N4BP2L2: variants seen among roughly 807,000 people sequenced by gnomAD.
N4BP2L2 encodes NEDD4 binding protein 2 like 2.
A neutral mutation model predicts 56.2 loss-of-function variants in N4BP2L2; 50 were observed. That is an observed-to-expected ratio of 0.89 (90% CI 0.71 to 1.13). N4BP2L2 has a LOEUF of 1.13. N4BP2L2 is among the 50% of genes most tolerant of loss of function. N4BP2L2 has a pLI of 0.00. For missense variants in N4BP2L2, 689 were observed against 693.8 expected (o/e 0.99, Z 0.08); for synonymous variants, 203 against 223.6 (o/e 0.91, Z 0.82).
intron 2 of N4BP2L2, among the ~76,000 whole-genome samples, chr13:32,533,515 A>ATTTTTTTTT (rs766383227): frequency 1.6e-5 from 2 of 122,288 alleles, no homozygotes; most frequent in African/African-American, 3.3e-5. Context: ...AGCATTACTA[A>ATTTTTTTTT]TTTTTTTTTT....
At chr13:32,503,426 C>G (rs959894398) in intron 6 of N4BP2L2, among the ~76,000 whole-genome samples, 1 of 152,040 alleles carries the variant, frequency 6.6e-6, no homozygotes, top group African/African-American at 2.4e-5. Flanking sequence ...GTTAATCCCA[C>G]AAAGCAAGAC....
chr13:32,466,041 T>C (rs985234197), intron 6 of N4BP2L2, among the ~76,000 whole-genome samples: 1 of 152,304 alleles, frequency 6.6e-6, no homozygotes, highest in Non-Finnish European at 1.5e-5. Context: ...TATGGCCCTC[T>C]AATTGGTCAC....
At chr13:32,497,295 G>A (rs906731596) in intron 6 of N4BP2L2, among the ~76,000 whole-genome samples, 1 of 152,154 alleles carries the variant, frequency 6.6e-6, no homozygotes, top group Admixed American at 6.5e-5. Flanking sequence ...AAGGACCAGG[G>A]TACTCTCATG....
At chr13:32,473,334 G>A (rs1275209648) in intron 6 of N4BP2L2, among the ~76,000 whole-genome samples, 1 of 151,616 alleles carries the variant, frequency 6.6e-6, no homozygotes, top group African/African-American at 2.4e-5. Flanking sequence ...TATTTTGATA[G>A]GTTAAATCAA....
chr13:32,496,097 C>T (rs2088545525), intron 6 of N4BP2L2, among the ~76,000 whole-genome samples: 1 of 152,154 alleles, frequency 6.6e-6, no homozygotes, highest in Non-Finnish European at 1.5e-5. Context: ...ATGAGGCAGC[C>T]AGGAAGGGCA....
At chr13:32,474,373 A>G (rs776344130) in intron 6 of N4BP2L2, among the ~76,000 whole-genome samples, 6 of 152,082 alleles carry the variant, frequency 3.9e-5, no homozygotes, top group Non-Finnish European at 8.8e-5. Flanking sequence ...GTCACGGTCA[A>G]TTATACAAAT....
At chr13:32,535,418 C>A (rs756944404) in intron 2 of N4BP2L2, among the ~76,000 whole-genome samples, 3 of 152,182 alleles carry the variant, frequency 2.0e-5, no homozygotes, top group African/African-American at 2.4e-5. Flanking sequence ...TAAATATAAA[C>A]ATATGCCAAT....
chr13:32,452,682 C>CA (rs1383744020), intron 6 of N4BP2L2, among the ~76,000 whole-genome samples: 2 of 152,132 alleles, frequency 1.3e-5, no homozygotes, highest in Non-Finnish European at 1.5e-5. Flanking sequence ...TTAAAACACT[C>CA]AAATCCATTA....
intron 5 of N4BP2L2, 38 bp from the exon 6 acceptor site, chr13:32,518,041 G>A: frequency 6.3e-7 from 1 of 1,593,838 alleles, no homozygotes; most frequent in Non-Finnish European, 8.6e-7. Flanking sequence ...CTTTGTTGCA[G>A]AATGTACAGG....
At chr13:32,519,517 G>A (rs920213567) in intron 5 of N4BP2L2, among the ~76,000 whole-genome samples, 5 of 152,100 alleles carry the variant, frequency 3.3e-5, no homozygotes, top group African/African-American at 7.2e-5. Flanking sequence ...ATAGCCAGGC[G>A]TAGTGGCAGG....
intron 6 of N4BP2L2, among the ~76,000 whole-genome samples, chr13:32,493,657 G>C (rs2087748102): frequency 6.6e-6 from 1 of 152,036 alleles, no homozygotes; most frequent in Non-Finnish European, 1.5e-5. Context: ...AAAATCAAGA[G>C]ACTAAAACAG....
chr13:32,461,351 T>C (rs867445154), intron 6 of N4BP2L2, among the ~76,000 whole-genome samples: 5 of 152,172 alleles, frequency 3.3e-5, no homozygotes, highest in Middle Eastern at 3.4e-3. Flanking sequence ...AAGAAAATAT[T>C]TGCAAACTAA....
At chr13:32,508,152 G>A (rs537539064), downstream of N4BP2L2, 2 of 152,272 alleles carry the variant, frequency 1.3e-5, no homozygotes, top group African/African-American at 4.8e-5. Flanking sequence ...AAATACAGAG[G>A]AATATTCTGG....
chr13:32,437,859 T>G (rs2075703787), intron 8 of N4BP2L2, among the ~76,000 whole-genome samples: 1 of 152,228 alleles, frequency 6.6e-6, no homozygotes, highest in South Asian at 2.1e-4. Flanking sequence ...TGTAACCTTC[T>G]CTTTGGACTA....
chr13:32,455,719 C>T (rs1274173828), intron 6 of N4BP2L2, among the ~76,000 whole-genome samples: 1 of 152,178 alleles, frequency 6.6e-6, no homozygotes, highest in African/African-American at 2.4e-5. Context: ...TGCCTCCCCA[C>T]CAGTGCCCAA....
At chr13:32,494,830 C>T (rs866424608) in intron 6 of N4BP2L2, among the ~76,000 whole-genome samples, 14 of 152,246 alleles carry the variant, frequency 9.2e-5, no homozygotes, top group African/African-American at 2.9e-4. Flanking sequence ...GAATATCCTG[C>T]CCTAGCTGTG....
chr13:32,476,178 G>C (rs1015726901), intron 6 of N4BP2L2, among the ~76,000 whole-genome samples: 5 of 152,334 alleles, frequency 3.3e-5, no homozygotes, highest in African/African-American at 1.2e-4. Flanking sequence ...AGAAGGGTCA[G>C]CTGACCTCAG....
intron 2 of N4BP2L2, among the ~76,000 whole-genome samples, chr13:32,535,328 C>G (rs999019260): frequency 8.5e-5 from 13 of 152,214 alleles, no homozygotes; most frequent in Non-Finnish European, 1.8e-4. Flanking sequence ...TAGGCCAGGA[C>G]AGTTCTCAAG....
intron 6 of N4BP2L2, among the ~76,000 whole-genome samples, chr13:32,485,818 C>T (rs2085730082): frequency 6.6e-6 from 1 of 152,148 alleles, no homozygotes; most frequent in Non-Finnish European, 1.5e-5. Context: ...CCTGTAATCC[C>T]AGCACTTTGG....
Sources: gnomAD v4.1 joint callset for allele counts (sites outside exome capture counted in the v4.1 genomes callset) on GRCh38, gnomAD v4.1.1 for gene constraint, MANE v1.5 for transcripts, NCBI Gene and HGNC (gene_info 2026-07-23, HGNC 2026-07-21) for gene names.